The following FHIT variants were observed in gnomAD, a reference collection of about 807,000 sequenced individuals.
FHIT encodes the protein fragile histidine triad diadenosine triphosphatase.
In FHIT, 19 loss-of-function variants were observed where a neutral mutation model predicts 17.9. That is an observed-to-expected ratio of 1.06 (90% CI 0.74 to 1.56). FHIT has a LOEUF of 1.56. FHIT is among the 40% of genes most tolerant of loss of function. FHIT has a pLI of 0.00. For missense variants in FHIT, 248 were observed against 189.2 expected (o/e 1.31, Z -1.82); for synonymous variants, 81 against 69.7 (o/e 1.16, Z -0.81).
At chr3:60,598,224 T>G (rs544224332) in intron 4 of FHIT, among the ~76,000 whole-genome samples, 2 of 152,250 alleles carry the variant, frequency 1.3e-5, no homozygotes, top group African/African-American at 4.8e-5. Context: ...TCCAGATTAA[T>G]GGATACAGCT....
At position 60,562,736 on chromosome 3, in the gene FHIT, T is replaced by C. The variant is rs148478736; in HGVS notation, c.-17-25757A>G. Among the ~76,000 whole-genome samples the C allele has an allele frequency of 9.2e-5, 14 of 152,298 alleles. No individual in the cohort carries two copies. In the East Asian group the frequency reaches 2.5e-3, roughly 27 times the overall value. ...TGCACTTGACCTGACCCCTAGGTAA[T>C]TCATATGTGTATTAAGACTTTGAGA... On this transcript the variant is annotated intron_variant, in intron 4 of 9. Coordinates refer to ENST00000492590, the MANE Select transcript of FHIT (RefSeq NM_002012.4).
chr3:61,057,279 C>T lies in FHIT; in HGVS notation c.-163-15180G>A, dbSNP rs565249035. 1.3e-5 allele frequency among the ~76,000 whole-genome samples: 2 copies of T among 152,316 alleles called. 1 individual carries two copies. Among genetic ancestry groups the T allele is most frequent in the South Asian group, 4.1e-4 (2 of 4,826 alleles). On this transcript the variant is annotated intron_variant, in intron 2 of 9. Coordinates refer to ENST00000492590, the MANE Select transcript of FHIT (RefSeq NM_002012.4). The stretch of plus-strand genomic sequence containing the variant: ...TAAGAACCACACAAAGAAATTCATA[C>T]CTACTTTTGTATTTTCATGTGGTTC...
chr3:60,233,443 CT>C (rs1417531218), intron 5 of FHIT, among the ~76,000 whole-genome samples: 2 of 152,028 alleles, frequency 1.3e-5, no homozygotes, highest in Non-Finnish European at 2.9e-5. Context: ...TGTTGGGCTC[CT>C]TCTCCTTCAG....
chr3:60,648,050 G>T (rs1269904514), intron 4 of FHIT, among the ~76,000 whole-genome samples: 6 of 152,218 alleles, frequency 3.9e-5, no homozygotes, highest in African/African-American at 1.4e-4. Context: ...TCTGAAGCAG[G>T]TCACTCCTAA....
In FHIT at chr3:60,529,184, T is replaced by A. The variant is rs540859329; in HGVS notation, c.103+7676A>T. ...TATGGTTATTTTTTCAGTTAATTAG[T>A]TTGAGAAAGGAAATGGCAGCTAAGT... On this transcript the variant is annotated intron_variant, in intron 5 of 9. Transcript: ENST00000492590. Among the ~76,000 whole-genome samples, 5 of 152,292 alleles carry A rather than the reference T, an allele frequency of 3.3e-5. No individual in the cohort carries two copies. In the South Asian group the frequency reaches 6.2e-4, roughly 19 times the overall value.
At chr3:59,838,279 T>C (rs961552591) in intron 8 of FHIT, among the ~76,000 whole-genome samples, 1 of 152,180 alleles carries the variant, frequency 6.6e-6, no homozygotes, top group South Asian at 2.1e-4. Flanking sequence ...GAAACCCTGC[T>C]GTGTTCTTGG....
chr3:60,067,440 A>G (rs1434508303), intron 5 of FHIT, among the ~76,000 whole-genome samples: 1 of 152,216 alleles, frequency 6.6e-6, no homozygotes, highest in African/African-American at 2.4e-5. Context: ...ACAAATGGGC[A>G]GTCAAAACTA....
At chr3:60,806,815 A>T (rs971732904) in intron 4 of FHIT, among the ~76,000 whole-genome samples, 1 of 152,240 alleles carries the variant, frequency 6.6e-6, no homozygotes, top group Non-Finnish European at 1.5e-5. Context: ...CTTTGCCAGG[A>T]GTGCATAGAA....
intron 3 of FHIT, among the ~76,000 whole-genome samples, chr3:61,011,019 T>C (rs563641875): frequency 5.9e-5 from 9 of 152,236 alleles, no homozygotes; most frequent in Non-Finnish European, 7.3e-5. Flanking sequence ...GAGAAATTTC[T>C]CTTCACTTAA....
At chr3:60,588,451 G>A (rs1225251790) in intron 4 of FHIT, among the ~76,000 whole-genome samples, 3 of 151,946 alleles carry the variant, frequency 2.0e-5, no homozygotes, top group Non-Finnish European at 4.4e-5. Context: ...GAGAAAGAGA[G>A]GGGAAGGAGA....
At chr3:59,784,350 T>A (rs1180099014) in intron 8 of FHIT, among the ~76,000 whole-genome samples, 2 of 152,244 alleles carry the variant, frequency 1.3e-5, no homozygotes, top group African/African-American at 4.8e-5. Context: ...GTGGTCTTTT[T>A]GAAATGCAAA....
At chr3:60,898,061 T>C (rs2107209312) in intron 3 of FHIT, among the ~76,000 whole-genome samples, 1 of 152,286 alleles carries the variant, frequency 6.6e-6, no homozygotes, top group South Asian at 2.1e-4. Flanking sequence ...TTAGGGCATA[T>C]ATGTAAACAC....
chr3:60,776,307 C>T (rs1357839965), intron 4 of FHIT, among the ~76,000 whole-genome samples: 4 of 152,060 alleles, frequency 2.6e-5, no homozygotes, highest in African/African-American at 4.8e-5. Flanking sequence ...GTGTACTGTA[C>T]GTAATGTTTG....
intron 5 of FHIT, among the ~76,000 whole-genome samples, chr3:60,177,869 G>A (rs1701750123): frequency 6.6e-6 from 1 of 152,150 alleles, no homozygotes; most frequent in Non-Finnish European, 1.5e-5. Context: ...GCTGGACTGG[G>A]TCAGTGCTGT....
rs529306449 is a variant in FHIT, at chr3:60,097,448, G to A, written c.104-83296C>T. ...CCCAGTTTTCCAAGACAGACTCCAG[G>A]GAAAACAGGTCTACCTTGAACAACA... On this transcript the variant is annotated intron_variant, in intron 5 of 9. Transcript: ENST00000492590. Among the ~76,000 whole-genome samples the A allele has an allele frequency of 5.1e-4, 77 of 152,110 alleles. 1 individual carries two copies. The South Asian group carries it at 8.1e-3, about 16-fold the overall frequency.
chr3:60,205,394 T>C (rs1703126125), intron 5 of FHIT, among the ~76,000 whole-genome samples: 1 of 152,202 alleles, frequency 6.6e-6, no homozygotes. Flanking sequence ...AGTATAATCA[T>C]AGGTCAGAAC....
chr3:61,099,510 T>A (rs1000597827), intron 2 of FHIT, among the ~76,000 whole-genome samples: 2 of 152,150 alleles, frequency 1.3e-5, no homozygotes, highest in Non-Finnish European at 2.9e-5. Context: ...TCTCTGTACA[T>A]CTGGTAAAAT....
chr3:61,114,725 G>A (rs1209324212), intron 2 of FHIT, among the ~76,000 whole-genome samples: 1 of 151,902 alleles, frequency 6.6e-6, no homozygotes, highest in East Asian at 1.9e-4. Flanking sequence ...TTTTTTTTAC[G>A]TGTTCCCATC....
intron 2 of FHIT, among the ~76,000 whole-genome samples, chr3:61,132,790 G>A (rs184326071): frequency 6.6e-6 from 1 of 152,130 alleles, no homozygotes; most frequent in Non-Finnish European, 1.5e-5. Flanking sequence ...AGCCATTCCA[G>A]AACGTTAAGA....
Sources: allele counts gnomAD v4.1 joint callset (sites outside exome capture counted in the v4.1 genomes callset), GRCh38; gene constraint gnomAD v4.1.1; transcripts MANE v1.5; gene names NCBI Gene and HGNC (gene_info 2026-07-23, HGNC 2026-07-21).